The following HTT-AS variants were observed in gnomAD, a reference collection of about 807,000 sequenced individuals.
The protein encoded by HTT-AS is HTT antisense RNA, also known as HTT antisense RNA (head to head).
At chr4:3,071,801 G>A (rs1255994487) in intron 1 of HTT-AS, among the ~76,000 whole-genome samples, 1 of 152,106 alleles carries the variant, frequency 6.6e-6, no homozygotes, top group Non-Finnish European at 1.5e-5. Context: ...TCAGAGGGAC[G>A]GCCACGTGAG....
At chr4:3,072,142 C>A (rs1455933418) in intron 1 of HTT-AS, among the ~76,000 whole-genome samples, 1 of 152,222 alleles carries the variant, frequency 6.6e-6, no homozygotes, top group African/African-American at 2.4e-5. Context: ...CCACTTCTCG[C>A]CAGGGTTCAG....
intron 2 of HTT-AS, among the ~76,000 whole-genome samples, chr4:3,049,906 TCACACACACACACACACACACACACACA>T (rs57430954): frequency 7.4e-6 from 1 of 134,676 alleles, no homozygotes; most frequent in African/African-American, 2.8e-5. Context: ...TTGTAAGTTA[TCACACACACACACACACACACACACACA>T]CACACACACA....
chr4:3,048,539 T>A (rs1040638429), downstream of HTT-AS, among the ~76,000 whole-genome samples: 3 of 152,078 alleles, frequency 2.0e-5, no homozygotes, highest in Non-Finnish European at 4.4e-5. Flanking sequence ...ATCAAATAGA[T>A]CAGACAATGA....
At chr4:3,062,435 T>C (rs1711946914) in exon 2 of HTT-AS, among the ~76,000 whole-genome samples, 1 of 152,178 alleles carries the variant, frequency 6.6e-6, no homozygotes, top group African/African-American at 2.4e-5. Flanking sequence ...AGTACTCACC[T>C]GGCCTTGGAG....
chr4:3,074,216 C>T lies in HTT-AS; in HGVS notation n.113+210G>A, dbSNP rs1169022138. ...GCCGGCCTGCCTAATGTCCCCGTCC[C>T]CAGCATCGCCCCGCCCCGCCCCCGT... is the stretch of plus-strand genomic sequence containing the variant. On this transcript the variant is annotated intron_variant and non_coding_transcript_variant, in intron 1 of 2. Coordinates refer to ENST00000664062, the Ensembl canonical transcript of HTT-AS. Among the ~76,000 whole-genome samples the T allele has an allele frequency of 3.8e-5, 5 of 132,868 alleles. No individual in the cohort carries two copies. In the East Asian group the frequency reaches 1.1e-3, roughly 30 times the overall value. The allele number at this position is 132,868 out of a possible 152,430, so 87.2% of individuals were successfully genotyped here. A position where few individuals can be genotyped will look rare whatever the true frequency, so the allele number is the denominator to read the frequency against.
intron 2 of HTT-AS, among the ~76,000 whole-genome samples, chr4:3,051,243 T>G (rs2110120102): frequency 6.6e-6 from 1 of 152,242 alleles, no homozygotes; most frequent in South Asian, 2.1e-4. Context: ...TTTTGTATTT[T>G]TAGTAGAGAC....
chr4:3,063,108 A>G (rs144936930), exon 2 of HTT-AS, among the ~76,000 whole-genome samples: 6 of 152,224 alleles, frequency 3.9e-5, no homozygotes, highest in East Asian at 3.9e-4. Flanking sequence ...CGATCCCTGT[A>G]AGGGTCAGTT....
At chr4:3,063,099 G>A (rs1368204995) in exon 2 of HTT-AS, among the ~76,000 whole-genome samples, 1 of 152,128 alleles carries the variant, frequency 6.6e-6, no homozygotes, top group Non-Finnish European at 1.5e-5. Context: ...CTAGTTACAC[G>A]ATCCCTGTAA....
intron 1 of HTT-AS, among the ~76,000 whole-genome samples, chr4:3,068,333 A>AAAAG (rs1712094681): frequency 7.0e-6 from 1 of 142,332 alleles, no homozygotes; most frequent in Admixed American, 6.9e-5. Context: ...AAAAAAAAAA[A>AAAAG]GGGTGACGAA....
chr4:3,054,877 G>C (rs1251463301), intron 2 of HTT-AS, among the ~76,000 whole-genome samples: 1 of 151,890 alleles, frequency 6.6e-6, no homozygotes, highest in Non-Finnish European at 1.5e-5. Flanking sequence ...AGCACGCCTG[G>C]CTAATGTTTG....
chr4:3,062,893 C>A (rs1324362821), exon 2 of HTT-AS, among the ~76,000 whole-genome samples: 2 of 152,054 alleles, frequency 1.3e-5, no homozygotes, highest in Non-Finnish European at 2.9e-5. Context: ...ACATTTCTAA[C>A]CTTCATCTTC....
intron 2 of HTT-AS, among the ~76,000 whole-genome samples, chr4:3,055,801 C>G (rs527709844): frequency 1.3e-5 from 2 of 152,224 alleles, no homozygotes; most frequent in South Asian, 4.1e-4. Context: ...CACAAACATC[C>G]CCACGAATTT....
At chr4:3,071,811 G>C (rs940609609) in intron 1 of HTT-AS, among the ~76,000 whole-genome samples, 2 of 152,150 alleles carry the variant, frequency 1.3e-5, no homozygotes, top group Admixed American at 6.5e-5. Flanking sequence ...GGCCACGTGA[G>C]GACACCAAGA....
chr4:3,062,012 A>AAAAGAG (rs1711936575), intron 2 of HTT-AS, among the ~76,000 whole-genome samples: 1 of 132,012 alleles, frequency 7.6e-6, no homozygotes, highest in African/African-American at 3.1e-5. Flanking sequence ...AAAAAAAAAA[A>AAAAGAG]AGAGAGAGAG....
chr4:3,053,907 A>G (rs568920791), intron 2 of HTT-AS, among the ~76,000 whole-genome samples: 4 of 151,840 alleles, frequency 2.6e-5, no homozygotes, highest in South Asian at 2.1e-4. Context: ...TTATAGGCAT[A>G]TGCCACCATG....
At chr4:3,066,665 C>T (rs1048617832) in intron 1 of HTT-AS, among the ~76,000 whole-genome samples, 1 of 152,216 alleles carries the variant, frequency 6.6e-6, no homozygotes, top group Non-Finnish European at 1.5e-5. Flanking sequence ...ATATCAACCA[C>T]ATCCAGTTCC....
chr4:3,056,170 TTC>T (rs1056105678), intron 2 of HTT-AS, among the ~76,000 whole-genome samples: 1 of 152,206 alleles, frequency 6.6e-6, no homozygotes, highest in African/African-American at 2.4e-5. Flanking sequence ...TGGATCCCAC[TTC>T]TGACACCATG....
intron 2 of HTT-AS, among the ~76,000 whole-genome samples, chr4:3,051,268 T>C (rs191509029): frequency 1.3e-5 from 2 of 152,266 alleles, no homozygotes; most frequent in Non-Finnish European, 2.9e-5. Flanking sequence ...TTTCTCCACG[T>C]TGGTCAGGCT....
At chr4:3,061,777 T>C (rs1163509332) in intron 2 of HTT-AS, among the ~76,000 whole-genome samples, 5 of 150,520 alleles carry the variant, frequency 3.3e-5, no homozygotes, top group African/African-American at 1.2e-4. Flanking sequence ...GTCAGGAGAT[T>C]GAGACCATCC....
Sources: gnomAD v4.1 joint callset for allele counts (sites outside exome capture counted in the v4.1 genomes callset) on GRCh38, gnomAD v4.1.1 for gene constraint, MANE v1.5 for transcripts, NCBI Gene and HGNC (gene_info 2026-07-23, HGNC 2026-07-21) for gene names.